Variants in PTPRN2 observed in about 807,000 individuals in gnomAD.
The protein encoded by PTPRN2 is protein tyrosine phosphatase receptor type N2, also known as receptor-type tyrosine-protein phosphatase N2.
Under a neutral mutation model 118.8 loss-of-function variants are expected in PTPRN2, and 74 were observed. The observed-to-expected ratio is 0.62, with a 90% confidence interval of 0.52 to 0.76. The LOEUF is 0.76. Among genes scored for constraint, PTPRN2 ranks in the 30% least tolerant of loss-of-function variants. PTPRN2 has a pLI of 0.00. For synonymous variants in PTPRN2, 641 were observed against 608.0 expected, an observed-to-expected ratio of 1.05 and a Z score of -0.80; for missense variants, 1,481 against 1,394.4, an observed-to-expected ratio of 1.06 and a Z score of -0.99.
intron 1 of PTPRN2, chr7:158,539,670 G>A (rs908703272): frequency 8.4e-6 from 2 of 237,220 alleles, no homozygotes; most frequent in Non-Finnish European, 1.7e-5. Flanking sequence ...GTCTAGCGCC[G>A]AGTCCCGGGT....
At chr7:158,090,554 T>C (rs1484810931) in intron 10 of PTPRN2, among the ~76,000 whole-genome samples, 1 of 152,242 alleles carries the variant, frequency 6.6e-6, no homozygotes, top group East Asian at 1.9e-4. Context: ...TAGTTTACTA[T>C]ATATTGATAA....
intron 19 of PTPRN2, 86 bp downstream of exon 19, chr7:157,576,527 A>T: frequency 7.5e-7 from 1 of 1,331,286 alleles, no homozygotes; most frequent in Non-Finnish European, 1.0e-6. Context: ...CCTCGGCGCC[A>T]GGGGCGTCTC....
chr7:158,089,877 C>A (rs71544528), intron 10 of PTPRN2, among the ~76,000 whole-genome samples: 1 of 90,158 alleles, frequency 1.1e-5, no homozygotes, highest in Admixed American at 1.2e-4. Flanking sequence ...CCCTTCCTCC[C>A]CTGACGAAAG....
At chr7:158,183,116 C>G (rs1365718188) in intron 5 of PTPRN2, among the ~76,000 whole-genome samples, 1 of 152,172 alleles carries the variant, frequency 6.6e-6, no homozygotes, top group Non-Finnish European at 1.5e-5. Flanking sequence ...CTCCTGCTCA[C>G]TTTTGGTTTC....
In PTPRN2 at chr7:157,974,286, C is replaced by T. The variant is rs1371323962; in HGVS notation, c.1724-75549G>A. On this transcript the variant is annotated intron_variant, in intron 11 of 22. Coordinates refer to ENST00000389418, the MANE Select transcript of PTPRN2 (RefSeq NM_002847.5). This position sits in a 1 kb window ranked among gnomAD's most constrained non-coding sequence, Gnocchi z 4.0. Reference sequence around the variant, plus strand: ...CATCTCCAGCACGGTGTCAATGGTGCCACTCCAGCCGGGCCACCCTGCCCA... The same window carrying T: ...CATCTCCAGCACGGTGTCAATGGTGTCACTCCAGCCGGGCCACCCTGCCCA... 6.6e-6 allele frequency among the ~76,000 whole-genome samples: 1 copy of T among 152,240 alleles called. No homozygotes were observed. The highest frequency in any genetic ancestry group is 1.5e-5 in the Non-Finnish European group (1 of 68,046).
intron 14 of PTPRN2, among the ~76,000 whole-genome samples, chr7:157,631,754 C>T (rs1001621041): frequency 7.9e-5 from 12 of 152,084 alleles, no homozygotes; most frequent in African/African-American, 2.7e-4. Flanking sequence ...ACGGCGTGAA[C>T]CCGGGAGGCG....
In PTPRN2 at chr7:157,903,404, C is replaced by G. The variant is rs1797582531; in HGVS notation, c.1724-4667G>C. The stretch of plus-strand genomic sequence containing the variant: ...CCAGTATGCCCAGGTCACAAGTGTA[C>G]CCCAAACCTCAGCACCACCAGTATA... On this transcript the variant is annotated intron_variant, in intron 11 of 22. Coordinates refer to ENST00000389418, the MANE Select transcript of PTPRN2 (RefSeq NM_002847.5). This position sits in a 1 kb window ranked among gnomAD's most constrained non-coding sequence, Gnocchi z 4.2. Among the ~76,000 whole-genome samples, 1 of 152,080 alleles carries G rather than the reference C, an allele frequency of 6.6e-6. No individual in the cohort carries two copies. The highest frequency in any genetic ancestry group is 2.1e-4 in the South Asian group (1 of 4,812).
chr7:157,838,605 A>G (rs374805207), intron 12 of PTPRN2, among the ~76,000 whole-genome samples: 47 of 92,302 alleles, frequency 5.1e-4, no homozygotes, highest in African/African-American at 1.3e-3. Flanking sequence ...GCTCCTCTCC[A>G]CCGTGGCTAC....
chr7:157,766,350 T>TC (rs1432889894), intron 12 of PTPRN2, among the ~76,000 whole-genome samples: 3 of 141,728 alleles, frequency 2.1e-5, no homozygotes, highest in African/African-American at 8.5e-5. Flanking sequence ...CATCCATCCA[T>TC]CATCCATCTA....
chr7:157,709,824 C>T (rs2150885280), intron 12 of PTPRN2, among the ~76,000 whole-genome samples: 1 of 152,342 alleles, frequency 6.6e-6, no homozygotes, highest in Non-Finnish European at 1.5e-5. Context: ...TTCTGGGGAG[C>T]TGGAATTCAA....
intron 1 of PTPRN2, among the ~76,000 whole-genome samples, chr7:158,515,900 C>T (rs1235283593): frequency 6.6e-6 from 1 of 152,172 alleles, no homozygotes; most frequent in East Asian, 1.9e-4. Context: ...ACACTTTTTC[C>T]AAGAGTTCCA....
At chr7:158,481,264 G>A (rs563673561) in intron 2 of PTPRN2, among the ~76,000 whole-genome samples, 1 of 152,194 alleles carries the variant, frequency 6.6e-6, no homozygotes, top group South Asian at 2.1e-4. Context: ...TTACAGCATG[G>A]TTTACTGAAT....
At chr7:158,474,651 TC>T (rs1282576813) in intron 2 of PTPRN2, among the ~76,000 whole-genome samples, 2 of 151,810 alleles carry the variant, frequency 1.3e-5, no homozygotes, top group African/African-American at 2.4e-5. Context: ...CTTCCCAAGG[TC>T]AGCTAAGAGG....
At chr7:157,812,153 C>G (rs1445499963) in intron 12 of PTPRN2, among the ~76,000 whole-genome samples, 1 of 152,154 alleles carries the variant, frequency 6.6e-6, no homozygotes, top group Non-Finnish European at 1.5e-5. Context: ...AGGGCAGTGT[C>G]TGCTCTGGCC....
In PTPRN2 at chr7:158,138,275, C is replaced by A. The variant is rs764227917; in HGVS notation, c.1132+19G>T. 1 of 1,609,554 alleles carries A rather than the reference C, an allele frequency of 6.2e-7. No homozygotes were observed. The highest frequency in any genetic ancestry group is 1.1e-5 in the South Asian group (1 of 90,704). On this transcript the variant is annotated intron_variant, in intron 7 of 22. Transcript: ENST00000389418. Reference sequence around the variant, plus strand: ...CCCGCAGCACCCCTGGGTGTGGGCACCCATGGCGCTGCAGTCACCTGGAAA... The same window carrying A: ...CCCGCAGCACCCCTGGGTGTGGGCAACCATGGCGCTGCAGTCACCTGGAAA...
At chr7:158,568,510 GA>G (rs1827793695) in intron 1 of PTPRN2, among the ~76,000 whole-genome samples, 1 of 151,640 alleles carries the variant, frequency 6.6e-6, no homozygotes, top group African/African-American at 2.4e-5. Context: ...AACTACTGAG[GA>G]AATCTGCAGG....
At chr7:158,402,359 G>A (rs947818771) in intron 2 of PTPRN2, among the ~76,000 whole-genome samples, 3 of 152,070 alleles carry the variant, frequency 2.0e-5, no homozygotes, top group Non-Finnish European at 4.4e-5. Context: ...GCTCGCAAAT[G>A]AGCACCTGCC....
At chr7:158,369,141 A>G (rs1027747936) in intron 2 of PTPRN2, among the ~76,000 whole-genome samples, 3 of 151,924 alleles carry the variant, frequency 2.0e-5, no homozygotes, top group Non-Finnish European at 2.9e-5. Context: ...TTGCCCTTGA[A>G]CATTGGACTC....
At position 157,690,885 on chromosome 7, in the gene PTPRN2, G is replaced by C. The variant is rs892006848; in HGVS notation, c.1789-7948C>G. On this transcript the variant is annotated intron_variant, in intron 12 of 22. Coordinates refer to ENST00000389418, the MANE Select transcript of PTPRN2 (RefSeq NM_002847.5). The surrounding 1 kb of genome is among the most constrained non-coding windows in gnomAD (Gnocchi z 7.1). ...CCGGCCCGGCCCCCGGGCTAGGCACGCTGGGCCGGGGCGCGGCGCGGGCGG... is the reference window on the plus strand; with the variant it reads ...CCGGCCCGGCCCCCGGGCTAGGCACCCTGGGCCGGGGCGCGGCGCGGGCGG... Among the ~76,000 whole-genome samples, 915 of 146,140 alleles carry C rather than the reference G, an allele frequency of 6.3e-3. 4 individuals carry two copies. The highest frequency in any genetic ancestry group is 1.0e-2 in the Non-Finnish European group (657 of 65,714).
Sources: allele counts gnomAD v4.1 joint callset (sites outside exome capture counted in the v4.1 genomes callset), GRCh38; gene constraint gnomAD v4.1.1; non-coding constraint Gnocchi (gnomAD v3.1); transcripts MANE v1.5; gene names NCBI Gene and HGNC (gene_info 2026-07-23, HGNC 2026-07-21).